ARHGAP25: variants seen among roughly 807,000 people sequenced by gnomAD.
ARHGAP25 encodes Rho GTPase activating protein 25.
A neutral mutation model predicts 71.0 loss-of-function variants in ARHGAP25; 34 were observed. The observed-to-expected ratio is 0.48, with a 90% CI of 0.36 to 0.64. ARHGAP25 has a LOEUF of 0.64. Among genes scored for constraint, ARHGAP25 ranks in the 30% least tolerant of loss-of-function variants. The pLI is 0.00. For synonymous variants in ARHGAP25, 282 were observed against 296.5 expected (o/e 0.95, Z 0.50); for missense variants, 706 against 805.1 (o/e 0.88, Z 1.49).
intron 1 of ARHGAP25, among the ~76,000 whole-genome samples, chr2:68,771,203 C>T (rs1677466330): frequency 6.6e-6 from 1 of 152,120 alleles, no homozygotes; most frequent in East Asian, 1.9e-4. Flanking sequence ...AGGTTTCTAA[C>T]CTTATTGAGG....
At chr2:68,738,418 G>A (rs1675328032) in intron 1 of ARHGAP25, among the ~76,000 whole-genome samples, 2 of 152,094 alleles carry the variant, frequency 1.3e-5, no homozygotes, top group African/African-American at 2.4e-5. Context: ...ATAGCCCATG[G>A]TGAACTGATT....
In ARHGAP25 at chr2:68,822,788, A is replaced by G. The variant is rs139330535; in HGVS notation, c.1649A>G (p.Glu550Gly). 5.0e-4 allele frequency: 814 copies of G among 1,614,222 alleles called. 3 individuals carry two copies. The African/African-American group carries it at 9.7e-3, about 19-fold the overall frequency. Residue 550 changes from glutamate to glycine, a missense_variant, in exon 10 of 11, where the codon GAA becomes GGA. Transcript: ENST00000409202. ...GPGKKNSGEEEIDSLQRMVQE... is the reference protein window; with the variant it reads ...GPGKKNSGEEGIDSLQRMVQE... Reference sequence around the variant, plus strand: ...GGAAAAAAGAACTCTGGAGAAGAGGAAATTGATTCTTTGCAGAGGATGGTC... The same window carrying G: ...GGAAAAAAGAACTCTGGAGAAGAGGGAATTGATTCTTTGCAGAGGATGGTC...
chr2:68,718,718 C>A (rs1674680230), intron 2 of ARHGAP25, among the ~76,000 whole-genome samples: 3 of 147,252 alleles, frequency 2.0e-5, no homozygotes. Flanking sequence ...ATCATTTGTT[C>A]TAACATTTGG....
chr2:68,719,136 T>C (rs1200024331), intron 2 of ARHGAP25, among the ~76,000 whole-genome samples: 1 of 152,072 alleles, frequency 6.6e-6, no homozygotes, highest in East Asian at 1.9e-4. Flanking sequence ...CCTCTTTATG[T>C]CCTTTATTAT....
chr2:68,718,427 G>A (rs1573373642), intron 2 of ARHGAP25, among the ~76,000 whole-genome samples: 1 of 152,032 alleles, frequency 6.6e-6, no homozygotes, highest in African/African-American at 2.4e-5. Flanking sequence ...TCTTATAAGG[G>A]CACACTTGGA....
At chr2:68,819,648 A>C (rs1681494481) in intron 9 of ARHGAP25, 2 of 556,616 alleles carry the variant, frequency 3.6e-6, no homozygotes, top group African/African-American at 3.8e-5. Flanking sequence ...CAACATTGTA[A>C]ATGTTTTGGT....
intron 6 of ARHGAP25, 140 bp from the exon 7 acceptor site, chr2:68,816,149 C>A (rs1306077499): frequency 1.3e-6 from 1 of 749,260 alleles, no homozygotes; most frequent in Non-Finnish European, 2.4e-6. Flanking sequence ...TTTTTAAACC[C>A]ACAGAACTAC....
At chr2:68,776,015 G>T (rs1462010431) in intron 2 of ARHGAP25, among the ~76,000 whole-genome samples, 2 of 152,196 alleles carry the variant, frequency 1.3e-5, no homozygotes, top group African/African-American at 2.4e-5. Flanking sequence ...TAAAAAGGAT[G>T]GTCAAATGAC....
chr2:68,779,929 A>G (rs1369473876), intron 2 of ARHGAP25, among the ~76,000 whole-genome samples: 1 of 152,214 alleles, frequency 6.6e-6, no homozygotes, highest in Non-Finnish European at 1.5e-5. Context: ...AGTCATTTAC[A>G]CCTTGGTGTG....
At chr2:68,766,169 C>A (rs1056760512) in intron 1 of ARHGAP25, among the ~76,000 whole-genome samples, 3 of 152,226 alleles carry the variant, frequency 2.0e-5, no homozygotes, top group Non-Finnish European at 4.4e-5. Context: ...ACTTCGATTG[C>A]TCTTCCTAAT....
chr2:68,811,661 G>C (rs1256871622), intron 5 of ARHGAP25, among the ~76,000 whole-genome samples: 1 of 141,952 alleles, frequency 7.0e-6, no homozygotes, highest in African/African-American at 2.6e-5. Flanking sequence ...CCTTTTCAGA[G>C]ACAGCTACAA....
chr2:68,727,733 T>C (rs1428908672), intron 2 of ARHGAP25, among the ~76,000 whole-genome samples: 1 of 152,266 alleles, frequency 6.6e-6, no homozygotes, highest in Non-Finnish European at 1.5e-5. Context: ...ATAGGATTGC[T>C]CCATTCCCCT....
At chr2:68,803,904 G>A (rs1042632917) in intron 4 of ARHGAP25, among the ~76,000 whole-genome samples, 2 of 152,144 alleles carry the variant, frequency 1.3e-5, no homozygotes, top group African/African-American at 4.8e-5. Flanking sequence ...GCAAAAATTT[G>A]GAACCAGTGT....
chr2:68,749,049 AAGAC>A (rs1381766986), intron 1 of ARHGAP25, among the ~76,000 whole-genome samples: 1 of 152,082 alleles, frequency 6.6e-6, no homozygotes, highest in Non-Finnish European at 1.5e-5. Flanking sequence ...GGAAGAAAGA[AAGAC>A]AGAGAAGCTT....
upstream of ARHGAP25, among the ~76,000 whole-genome samples, chr2:68,733,581 A>T (rs72893953): frequency 0.014 from 2,134 of 152,226 alleles, 56 homozygotes; most frequent in African/African-American, 0.049. Flanking sequence ...GGGATGGGAG[A>T]GTGTTAACAG....
chr2:68,799,972 T>C (rs192962083), intron 4 of ARHGAP25, among the ~76,000 whole-genome samples: 83 of 152,342 alleles, frequency 5.4e-4, no homozygotes, highest in African/African-American at 1.9e-3. Context: ...GGAACTGGGC[T>C]GTGGCTTTCC....
upstream of ARHGAP25, among the ~76,000 whole-genome samples, chr2:68,730,778 C>A (rs13393229): frequency 0.22 from 32,882 of 152,070 alleles, 4,872 homozygotes; most frequent in African/African-American, 0.41. Context: ...GGCCATACAT[C>A]ATTTCTGATA....
chr2:68,816,007 TC>T, intron 6 of ARHGAP25: 1 of 446,072 alleles, frequency 2.2e-6, no homozygotes, highest in South Asian at 2.1e-5. Flanking sequence ...TGTTAAACAG[TC>T]CTTCCTTAGA....
intron 1 of ARHGAP25, among the ~76,000 whole-genome samples, chr2:68,750,927 G>C (rs967709639): frequency 1.3e-5 from 2 of 152,184 alleles, no homozygotes; most frequent in African/African-American, 4.8e-5. Flanking sequence ...ACTAATAATA[G>C]TTATTAATGC....
Sources: allele counts gnomAD v4.1 joint callset (sites outside exome capture counted in the v4.1 genomes callset), GRCh38; gene constraint gnomAD v4.1.1; transcripts MANE v1.5; gene names NCBI Gene and HGNC (gene_info 2026-07-23, HGNC 2026-07-21).